NCOR1: variants seen among roughly 807,000 people sequenced by gnomAD.
The protein encoded by NCOR1 is protein phosphatase 1, regulatory subunit 109.
Under a neutral mutation model 288.1 loss-of-function variants are expected in NCOR1, and 63 were observed. The observed-to-expected ratio is 0.22, with a 90% CI of 0.18 to 0.27. NCOR1 has a LOEUF of 0.27. Among genes scored for constraint, NCOR1 ranks in the 10% least tolerant of loss-of-function variants. NCOR1 has a pLI of 1.00. For missense variants in NCOR1, 2,397 were observed against 3,019.2 expected (o/e 0.79, Z 4.83); for synonymous variants, 1,007 against 1,065.9 (o/e 0.94, Z 1.08).
chr17:16,083,226 C>G (rs2063670028), intron 23 of NCOR1, among the ~76,000 whole-genome samples: 2 of 150,550 alleles, frequency 1.3e-5, no homozygotes, highest in Admixed American at 1.3e-4. Flanking sequence ...GAGCAAGACT[C>G]TGTCTCAAAA....
chr17:16,068,367 C>G, intron 31 of NCOR1: 2 of 467,186 alleles, frequency 4.3e-6, no homozygotes, highest in Non-Finnish European at 7.7e-6. Flanking sequence ...CAGTATTTTA[C>G]CACCTTATGT....
chr17:16,074,048 C>A (rs2062079377), intron 27 of NCOR1, among the ~76,000 whole-genome samples: 1 of 152,062 alleles, frequency 6.6e-6, no homozygotes, highest in Admixed American at 6.6e-5. Context: ...AACACGAAGA[C>A]CCCAAGGTGA....
chr17:16,039,995 G>T, intron 43 of NCOR1: 1 of 388,578 alleles, frequency 2.6e-6, no homozygotes, highest in Non-Finnish European at 4.9e-6. Context: ...TCACCATATT[G>T]GTCAGGCTGA....
chr17:16,057,669 A>C lies in NCOR1; in HGVS notation c.6237T>G (p.Ser2079=). Residue 2079 remains serine (S), a synonymous_variant, in exon 40 of 46, where the codon TCT becomes TCG. Transcript: ENST00000268712. The part of the protein sequence containing the change: ...SSQTPQQPPT[S]TFQNSPSALV... ...AAGCAGAAGGTGAGTTCTGGAATGTAGAAGTAGGAGGCTGCTGGGGAGTCT... is the reference window on the plus strand; with the variant it reads ...AAGCAGAAGGTGAGTTCTGGAATGTCGAAGTAGGAGGCTGCTGGGGAGTCT... 6.2e-7 allele frequency: 1 copy of C among 1,614,116 alleles called. No individual in the cohort carries two copies.
chr17:16,110,628 T>C (rs1016142756), intron 18 of NCOR1, among the ~76,000 whole-genome samples: 1 of 152,226 alleles, frequency 6.6e-6, no homozygotes, highest in Non-Finnish European at 1.5e-5. Flanking sequence ...CTCTGTCTTG[T>C]GCCCCTTACA....
intron 42 of NCOR1, chr17:16,040,790 C>T (rs2057415681): frequency 1.8e-5 from 7 of 386,078 alleles, no homozygotes; most frequent in South Asian, 1.4e-4. Context: ...AGCTACTCAG[C>T]AGGCTGAGGC....
intron 14 of NCOR1, among the ~76,000 whole-genome samples, chr17:16,127,357 G>C (rs1437826743): frequency 7.2e-6 from 1 of 139,412 alleles, no homozygotes; most frequent in Non-Finnish European, 1.5e-5. Flanking sequence ...ATATATGTAT[G>C]TATATATACA....
chr17:16,149,454 T>C lies in NCOR1; in HGVS notation c.906A>G (p.Gln302=). ...FFKRRNHARK[Q]REQKICQRYD... ...GTTAACAAGGATAGGACCTCACCCTTTGTTTTCTTGCATGATTTCTTCTTT... is the reference window on the plus strand; with the variant it reads ...GTTAACAAGGATAGGACCTCACCCTCTGTTTTCTTGCATGATTTCTTCTTT... The change falls in exon 9 of 46, where the codon CAA becomes CAG. Residue 302 remains glutamine (Q), a synonymous_variant. Coordinates refer to ENST00000268712, the MANE Select transcript of NCOR1 (RefSeq NM_006311.4). The C allele has an allele frequency of 6.4e-7, 1 of 1,556,458 alleles. No individual in the cohort carries two copies. Among genetic ancestry groups the C allele is most frequent in the Non-Finnish European group, 8.8e-7 (1 of 1,140,426 alleles).
intron 3 of NCOR1, among the ~76,000 whole-genome samples, chr17:16,175,630 C>G (rs1392803788): frequency 6.6e-6 from 1 of 151,962 alleles, no homozygotes; most frequent in African/African-American, 2.4e-5. Context: ...GTGGCTCACA[C>G]GTTTCCCATC....
intron 40 of NCOR1, among the ~76,000 whole-genome samples, chr17:16,054,070 T>TAAAAAAAAAAAAAA (rs752015595): frequency 6.9e-5 from 5 of 72,108 alleles, no homozygotes; most frequent in South Asian, 4.3e-4. Context: ...GACTTAAATG[T>TAAAAAAAAAAAAAA]AAAAAAAAAA....
At chr17:16,139,455 TAACATAATAA>T (rs2076863091) in intron 11 of NCOR1, among the ~76,000 whole-genome samples, 2 of 152,306 alleles carry the variant, frequency 1.3e-5, no homozygotes. Flanking sequence ...AGCTGATACT[TAACATAATAA>T]AATTTTAGAC....
intron 21 of NCOR1, among the ~76,000 whole-genome samples, chr17:16,093,345 G>C (rs1014493292): frequency 6.6e-6 from 1 of 152,168 alleles, no homozygotes; most frequent in Non-Finnish European, 1.5e-5. Context: ...TGTTCCTTAA[G>C]ATAGGCCATC....
chr17:16,044,621 A>G (rs1463611209), intron 42 of NCOR1: 4 of 608,250 alleles, frequency 6.6e-6, no homozygotes, highest in Non-Finnish European at 1.3e-5. Context: ...TGCCCATACC[A>G]TGTCCTCTGT....
chr17:16,120,738 A>C (rs1032506747), intron 16 of NCOR1, among the ~76,000 whole-genome samples: 1 of 152,186 alleles, frequency 6.6e-6, no homozygotes, highest in Non-Finnish European at 1.5e-5. Context: ...TTCAGCAATA[A>C]GAGAATGGTT....
chr17:16,127,109 G>GTATA (rs139112489), intron 14 of NCOR1, among the ~76,000 whole-genome samples: 18,498 of 63,358 alleles, frequency 0.29, 3,567 homozygotes, highest in Middle Eastern at 0.37. Flanking sequence ...GTGTGTGTGT[G>GTATA]TATATGTATA....
In NCOR1 at chr17:16,031,504, T is replaced by A. The variant is rs1971989846; in HGVS notation, c.*792A>T. On this transcript the variant is annotated 3_prime_UTR_variant, in exon 46 of 46. Transcript: ENST00000268712. ...CTTAGGGGCATGGTTAAATTACCAG[T>A]GTGCGTAACAGTGAGGTATGCCTCA... 2.9e-5 allele frequency: 6 copies of A among 205,102 alleles called. No individual in the cohort carries two copies. In the East Asian group the frequency reaches 4.5e-4, roughly 15 times the overall value. The allele number at this position is 205,102 out of a possible 1,614,324, so 12.7% of individuals were successfully genotyped here.
rs925216844 is a variant in NCOR1 at position 16,044,466 on chromosome 17, T to A, written c.6679+2485A>T. 8.5e-6 allele frequency: 4 copies of A among 473,148 alleles called. No individual in the cohort carries two copies. In the Middle Eastern group the frequency reaches 9.7e-4, roughly 115 times the overall value. 29.3% of individuals were successfully genotyped at this position (473,148 alleles called of 1,614,324 possible). Reference sequence around the variant, plus strand: ...ACAGGATCAGGAGACTAGTAGATGGTAGATCACAGAAATAAAGCAGATCGT... The same window carrying A: ...ACAGGATCAGGAGACTAGTAGATGGAAGATCACAGAAATAAAGCAGATCGT... On this transcript the variant is annotated intron_variant, in intron 42 of 45. Transcript: ENST00000268712.
At chr17:16,214,936 C>G (rs1195222353) in intron 1 of NCOR1, among the ~76,000 whole-genome samples, 1 of 152,238 alleles carries the variant, frequency 6.6e-6, no homozygotes, top group Non-Finnish European at 1.5e-5. Context: ...CTGTCAACCT[C>G]CGCAGCCCCT....
chr17:16,061,361 C>A, intron 37 of NCOR1, 40 bp downstream of exon 37: 1 of 1,588,274 alleles, frequency 6.3e-7, no homozygotes, highest in South Asian at 1.1e-5. Flanking sequence ...TAATTCTTTA[C>A]TCAGACATCA....
Sources: gnomAD v4.1 joint callset for allele counts (sites outside exome capture counted in the v4.1 genomes callset) on GRCh38, gnomAD v4.1.1 for gene constraint, MANE v1.5 for transcripts, NCBI Gene and HGNC (gene_info 2026-07-23, HGNC 2026-07-21) for gene names.